PTCH2: variants seen among roughly 807,000 people sequenced by gnomAD.
PTCH2 encodes the protein protein patched homolog 2.
PTCH2 carries 96 observed loss-of-function variants against 117.9 expected under a neutral mutation model. That is an observed-to-expected ratio of 0.81 (90% CI 0.69 to 0.96). The LOEUF is 0.96. Among genes scored for constraint, PTCH2 ranks in the 50% least tolerant of loss-of-function variants. The pLI, the probability that PTCH2 is intolerant of heterozygous loss-of-function variation, is 0.00. For synonymous variants in PTCH2, 615 were observed against 660.9 expected (o/e 0.93, Z 1.06); for missense variants, 1,379 against 1,562.5 (o/e 0.88, Z 1.98).
Position 44,832,252 on chromosome 1 carries a change from C to A in PTCH2, c.355G>T (p.Ala119Ser), listed in dbSNP as rs750219632. The change falls in exon 3 of 22, where the codon GCA becomes TCA. Residue 119 changes from alanine to serine, a missense_variant. Ala to Ser is a moderately conservative substitution (Grantham distance 99). Coordinates refer to ENST00000372192, the MANE Select transcript of PTCH2 (RefSeq NM_003738.5). The part of the protein sequence containing the change: ...AYTSQMLIQT[A>S]RQEGENILTP... The stretch of plus-strand genomic sequence containing the variant: ...AGGATGTTCTCTCCCTCCTGGCGTG[C>A]GGTCTGTATCAGCATCTGAGAGGTG... The A allele has an allele frequency of 1.2e-5, 20 of 1,614,066 alleles. No homozygotes were observed. Among genetic ancestry groups the A allele is most frequent in the Non-Finnish European group, 1.7e-5 (20 of 1,180,046 alleles).
downstream of PTCH2, chr1:44,821,928 T>C (rs1652927334): frequency 7.3e-7 from 1 of 1,360,838 alleles, no homozygotes; most frequent in African/African-American, 1.5e-5. Context: ...AGCACTGAAG[T>C]CATCTGAGAT....
intron 10 of PTCH2, 26 bp downstream of exon 10, chr1:44,829,131 G>A (rs544025371): frequency 6.2e-7 from 1 of 1,613,834 alleles, no homozygotes; most frequent in African/African-American, 1.3e-5. Context: ...GACTGGCACT[G>A]AGTCTGCCCT....
At position 44,831,640 on chromosome 1, in the gene PTCH2, A is replaced by G. The variant is rs1653449453; in HGVS notation, c.617+66T>C. The G allele has an allele frequency of 7.0e-6, 10 of 1,436,684 alleles. No homozygotes were observed. The Admixed American group carries it at 1.2e-4, about 17-fold the overall frequency. 89.0% of individuals were successfully genotyped at this position (1,436,684 alleles called of 1,614,324 possible). ...GGTTTTGATCATCCTCATTCCCCAGACCCCTCCTTTCTGCTGGGAGAGTCC... is the reference window on the plus strand; with the variant it reads ...GGTTTTGATCATCCTCATTCCCCAGGCCCCTCCTTTCTGCTGGGAGAGTCC... On this transcript the variant is annotated intron_variant, in intron 5 of 21. Coordinates refer to ENST00000372192, the MANE Select transcript of PTCH2 (RefSeq NM_003738.5). The surrounding 1 kb of genome is among the most constrained non-coding windows in gnomAD (Gnocchi z 4.3).
chr1:44,828,372 C>T lies in PTCH2; in HGVS notation c.1633G>A (p.Val545Ile), dbSNP rs749164804. The T allele has an allele frequency of 6.2e-7, 1 of 1,614,176 alleles. No individual in the cohort carries two copies. Among genetic ancestry groups the T allele is most frequent in the Non-Finnish European group, 8.5e-7 (1 of 1,180,016 alleles). Reference sequence around the variant, plus strand: ...TCCAGGCTGAGGATGGCTGGGAAGACAAGCATCACGGCTACAAAGGTGCAG... The same window carrying T: ...TCCAGGCTGAGGATGGCTGGGAAGATAAGCATCACGGCTACAAAGGTGCAG... Reference protein sequence around the residue: ...VGCTFVAVMLVFPAILSLDLR... With the variant: ...VGCTFVAVMLIFPAILSLDLR... Residue 545 changes from valine (V) to isoleucine (I), a missense_variant, in exon 13 of 22, where the codon GTC becomes ATC. Val to Ile is a conservative substitution (Grantham distance 29). Coordinates refer to ENST00000372192, the MANE Select transcript of PTCH2 (RefSeq NM_003738.5).
chr1:44,843,000 G>T lies in PTCH2; in HGVS notation c.-68C>A. ...TCTGGGCGCTCCCATAGGCTAGCCC[G>T]GTCTCCCGGTACCGCTGGGCCCCGC... is the stretch of plus-strand genomic sequence containing the variant. On this transcript the variant is annotated 5_prime_UTR_variant, in exon 1 of 22. Coordinates refer to ENST00000372192, the MANE Select transcript of PTCH2 (RefSeq NM_003738.5). The T allele has an allele frequency of 1.4e-6, 2 of 1,467,670 alleles. No individual in the cohort carries two copies. The allele number at this position is 1,467,670 out of a possible 1,614,324, so 90.9% of individuals were successfully genotyped here. A position where few individuals can be genotyped will look rare whatever the true frequency, so the allele number is the denominator to read the frequency against.
rs371861016 is a variant in PTCH2 at position 44,826,563 on chromosome 1, G to A, written c.2901C>T (p.Ala967=). 53 of 1,613,534 alleles carry A rather than the reference G, an allele frequency of 3.3e-5. No homozygotes were observed. The African/African-American group carries it at 3.7e-4, about 11-fold the overall frequency. ...YLGLRRCFLL[A]VCILLVCTFL... is the part of the protein sequence containing the mutation. ...AAGTGCACACCAGCAGGATGCAGAC[G>A]GCCAGCAGGAAGCAGCGCCGCAGGC... is the stretch of plus-strand genomic sequence containing the variant. Residue 967 remains alanine, a synonymous_variant, in exon 18 of 22, where the codon GCC becomes GCT. Transcript: ENST00000372192. This position sits in a 1 kb window ranked among gnomAD's most constrained non-coding sequence, Gnocchi z 5.1.
chr1:44,833,438 CTT>C (rs779956039), intron 2 of PTCH2, among the ~76,000 whole-genome samples: 23 of 136,340 alleles, frequency 1.7e-4, no homozygotes, highest in Admixed American at 2.3e-4. Context: ...ATCTCTTTTC[CTT>C]TTTTTTTTTT....
At chr1:44,830,586 T>TAAAAAAAAAAAAAAAAA (rs1653389094) in intron 6 of PTCH2, among the ~76,000 whole-genome samples, 1 of 41,708 alleles carries the variant, frequency 2.4e-5, no homozygotes, top group Non-Finnish European at 4.1e-5. Flanking sequence ...AGAGTGAGAC[T>TAAAAAAAAAAAAAAAAA]CAAAAAAAAA....
chr1:44,828,445 T>A (rs779770450), intron 12 of PTCH2, 31 bp from the exon 13 acceptor site: 2 of 1,614,064 alleles, frequency 1.2e-6, no homozygotes, highest in Non-Finnish European at 1.7e-6. Context: ...GAATGAAGGC[T>A]GGATGAAGCT....
downstream of PTCH2, chr1:44,821,644 A>G: frequency 2.1e-6 from 1 of 467,128 alleles, no homozygotes; most frequent in Non-Finnish European, 2.8e-6. Flanking sequence ...AGGCTGGAAT[A>G]TGGTGGCTCT....
intron 19 of PTCH2, among the ~76,000 whole-genome samples, chr1:44,824,407 G>C (rs1483073108): frequency 6.6e-6 from 1 of 152,116 alleles, no homozygotes; most frequent in Non-Finnish European, 1.5e-5. Context: ...TGCAGCCCTG[G>C]GCGAGGCCCT....
At chr1:44,838,167 C>T (rs944783662) in intron 2 of PTCH2, among the ~76,000 whole-genome samples, 2 of 151,916 alleles carry the variant, frequency 1.3e-5, no homozygotes, top group Non-Finnish European at 2.9e-5. Context: ...ATTGGGTGAA[C>T]AAGAACTGAG....
chr1:44,827,489 G>T lies in PTCH2; in HGVS notation c.2284C>A (p.Arg762Ser). The change falls in exon 15 of 22, where the codon CGC becomes AGC. Residue 762 changes from arginine (R) to serine (S), a missense_variant. Coordinates refer to ENST00000372192, the MANE Select transcript of PTCH2 (RefSeq NM_003738.5). ...SQRALFDLHQ[R>S]FSSLKAVLPP... ...AGCACCGCCTTGAGGGAACTGAAGC[G>T]CTGGTGCAGATCAAAGAGGGCGCGT... 1.2e-6 allele frequency: 2 copies of T among 1,613,998 alleles called. No homozygotes were observed. The highest frequency in any genetic ancestry group is 1.7e-6 in the Non-Finnish European group (2 of 1,179,918).
rs2148872181 is a variant in PTCH2 at position 44,823,481 on chromosome 1, C to G, written c.3115-96G>C. On this transcript the variant is annotated intron_variant, in intron 19 of 21. Coordinates refer to ENST00000372192, the MANE Select transcript of PTCH2 (RefSeq NM_003738.5). This position sits in a 1 kb window ranked among gnomAD's most constrained non-coding sequence, Gnocchi z 5.1. ...TATCTGTCTTCAGAGCTCAACGATACCTTGGCCCACCAAAGGCTGGGTGAA... is the reference window on the plus strand; with the variant it reads ...TATCTGTCTTCAGAGCTCAACGATAGCTTGGCCCACCAAAGGCTGGGTGAA... The G allele has an allele frequency of 6.4e-7, 1 of 1,551,416 alleles. No individual in the cohort carries two copies. The highest frequency in any genetic ancestry group is 8.8e-7 in the Non-Finnish European group (1 of 1,130,720).
At position 44,822,432 on chromosome 1, in the gene PTCH2, C is replaced by T. The variant is rs1308451343; in HGVS notation, c.3595G>A (p.Gly1199Ser). ...CTGCTCTTTCACCCAGTGGCTGGAC[C>T]TGGTCCCCTGGAACTGAGGTTGCCA... ...SSGNLSSRGPGPATG is the reference protein window; with the variant it reads ...SSGNLSSRGPSPATG The change falls in exon 22 of 22, where the codon GGT (glycine) becomes AGT (serine). Residue 1199 changes from glycine (G) to serine (S), a missense_variant. Physicochemically the swap from Gly to Ser is moderately conservative, Grantham distance 56 (BLOSUM62 0). Transcript: ENST00000372192. The T allele has an allele frequency of 6.2e-7, 1 of 1,613,752 alleles. No individual in the cohort carries two copies. The highest frequency in any genetic ancestry group is 1.3e-5 in the African/African-American group (1 of 74,920).
At chr1:44,838,870 C>A (rs1653805464) in intron 2 of PTCH2, among the ~76,000 whole-genome samples, 1 of 152,140 alleles carries the variant, frequency 6.6e-6, no homozygotes, top group African/African-American at 2.4e-5. Context: ...CAGGCGCGAA[C>A]CACCGCACTT....
chr1:44,828,859 C>T, intron 11 of PTCH2, 123 bp downstream of exon 11: 1 of 1,251,236 alleles, frequency 8.0e-7, no homozygotes, highest in Non-Finnish European at 1.1e-6. Context: ...TATTATTTCC[C>T]CTGTTTACAG....
Position 44,829,467 on chromosome 1 carries a change from C to G in PTCH2, c.1150G>C (p.Asp384His), listed in dbSNP as rs2148877682. 6.2e-7 allele frequency: 1 copy of G among 1,614,234 alleles called. No homozygotes were observed. The highest frequency in any genetic ancestry group is 8.5e-7 in the Non-Finnish European group (1 of 1,180,042). Reference protein sequence around the residue: ...QIHAFSSTTLDDILHAFSEVS... With the variant: ...QIHAFSSTTLHDILHAFSEVS... ...TCAGAGAACGCATGCAGGATGTCAT[C>G]CAGGGTGGTGGAGGAGAAGGCATGG... Residue 384 changes from aspartate (D) to histidine (H), a missense_variant, in exon 9 of 22, where the codon GAT becomes CAT. Asp to His is a moderately conservative substitution (Grantham distance 81, BLOSUM62 -1). Coordinates refer to ENST00000372192, the MANE Select transcript of PTCH2 (RefSeq NM_003738.5).
rs1308390124 is a variant in PTCH2, at chr1:44,832,179, C to G, written c.428G>C (p.Ser143Thr). 1 of 1,614,164 alleles carries G rather than the reference C, an allele frequency of 6.2e-7. No individual in the cohort carries two copies. The highest frequency in any genetic ancestry group is 8.5e-7 in the Non-Finnish European group (1 of 1,180,030). The change falls in exon 3 of 22, where the codon AGT becomes ACT. Residue 143 changes from serine (S) to threonine (T), a missense_variant. Transcript: ENST00000372192. ...CCCATAGAGTGATACTTGGACTTTA[C>G]TGGCAGTGAGGGCTGCCTGGAGGTG... ...GLHLQAALTA[S>T]KVQVSLYGKS...
Sources: gnomAD v4.1 joint callset for allele counts (sites outside exome capture counted in the v4.1 genomes callset) on GRCh38, gnomAD v4.1.1 for gene constraint, Gnocchi (gnomAD v3.1) non-coding constraint, MANE v1.5 for transcripts, NCBI Gene and HGNC (gene_info 2026-07-23, HGNC 2026-07-21) for gene names.